The following NDUFA10 variants were observed in gnomAD, a reference collection of about 807,000 sequenced individuals.
The protein encoded by NDUFA10 is NADH dehydrogenase [ubiquinone] 1 alpha subcomplex subunit 10, mitochondrial.
NDUFA10 carries 40 observed loss-of-function variants against 47.8 expected under a neutral mutation model. That is an observed-to-expected ratio of 0.84 (90% CI 0.65 to 1.09). The LOEUF is 1.09. Ranked by LOEUF, NDUFA10 falls within the 50% of genes least tolerant of loss-of-function variation. The probability of loss-of-function intolerance (pLI) is 0.00; values close to 1 mark genes in which losing one functional copy is unlikely to be tolerated. For synonymous variants in NDUFA10, 183 were observed against 172.2 expected (o/e 1.06, Z -0.49); for missense variants, 413 against 451.1 (o/e 0.92, Z 0.76).
intron 7 of NDUFA10, among the ~76,000 whole-genome samples, chr2:240,006,702 T>C (rs1259386988): frequency 6.6e-6 from 1 of 152,258 alleles, no homozygotes; most frequent in African/African-American, 2.4e-5. Flanking sequence ...ATTTTTGTAA[T>C]TATCCTTTAA....
chr2:239,973,742 T>G (rs1695397017), intron 9 of NDUFA10: 1 of 391,138 alleles, frequency 2.6e-6, no homozygotes, highest in Non-Finnish European at 5.2e-6. Context: ...TGATACAATG[T>G]TTAAAACGTG....
In NDUFA10 at chr2:239,926,170, G is replaced by C. The variant is rs528078373; in HGVS notation, c.295-30856C>G. Among the ~76,000 whole-genome samples the C allele has an allele frequency of 5.9e-5, 9 of 152,284 alleles. No homozygotes were observed. The East Asian group carries it at 1.3e-3, about 23-fold the overall frequency. ...TTACACCAGAGGAATGAAACTTTCT[G>C]TCTACACAAAAACTTGTATATCAAT... On this transcript the variant is annotated intron_variant, in intron 4 of 5. Coordinates refer to the NDUFA10 transcript ENST00000419408.
intron 4 of NDUFA10, among the ~76,000 whole-genome samples, chr2:239,898,301 A>G (rs902812087): frequency 5.9e-5 from 9 of 152,228 alleles, no homozygotes; most frequent in African/African-American, 2.2e-4. Context: ...GTACCTAGAA[A>G]GCCAAGTCCC....
intron 4 of NDUFA10, among the ~76,000 whole-genome samples, chr2:239,902,492 A>C (rs139393653): frequency 2.1e-3 from 315 of 152,372 alleles, no homozygotes; most frequent in African/African-American, 6.7e-3. Flanking sequence ...ACTATAGTAC[A>C]GTATAAATAT....
chr2:239,979,934 C>A (rs1048919540), intron 9 of NDUFA10, among the ~76,000 whole-genome samples: 1 of 152,082 alleles, frequency 6.6e-6, no homozygotes, highest in Non-Finnish European at 1.5e-5. Flanking sequence ...AGCTCCAGAC[C>A]ATGTCCACCT....
rs1322387047 is a variant in NDUFA10, at chr2:239,987,791, G to A, written c.999+2283C>T. On this transcript the variant is annotated intron_variant, in intron 9 of 9. Coordinates refer to ENST00000252711, the MANE Select transcript of NDUFA10 (RefSeq NM_004544.4). This position sits in a 1 kb window ranked among gnomAD's most constrained non-coding sequence, Gnocchi z 4.8. ...TCCGAACAGTCGCAGATGCCTGTGG[G>A]ACTAACACGTATGGAGAATTAAGAC... Among the ~76,000 whole-genome samples, 1 of 152,206 alleles carries A rather than the reference G, an allele frequency of 6.6e-6. No individual in the cohort carries two copies. The highest frequency in any genetic ancestry group is 1.9e-4 in the East Asian group (1 of 5,192).
At chr2:239,901,623 T>G (rs987837069) in intron 4 of NDUFA10, among the ~76,000 whole-genome samples, 1 of 151,834 alleles carries the variant, frequency 6.6e-6, no homozygotes, top group Non-Finnish European at 1.5e-5. Context: ...GATCTGACTT[T>G]CAAGTTTCAT....
At chr2:239,942,620 A>AT (rs562168694) in intron 4 of NDUFA10, among the ~76,000 whole-genome samples, 12 of 149,902 alleles carry the variant, frequency 8.0e-5, no homozygotes, top group Admixed American at 2.0e-4. Context: ...GCACAGGAAT[A>AT]TTTTTTTTTT....
intron 7 of NDUFA10, among the ~76,000 whole-genome samples, chr2:240,006,611 T>C (rs573002715): frequency 1.2e-3 from 177 of 152,354 alleles, no homozygotes; most frequent in African/African-American, 4.0e-3. Flanking sequence ...ATATATAAAA[T>C]ACAAAATAAA....
In NDUFA10 at chr2:239,990,025, T is replaced by C. The variant is rs764167121; in HGVS notation, c.999+49A>G. On this transcript the variant is annotated intron_variant, in intron 9 of 9. Coordinates refer to ENST00000252711, the MANE Select transcript of NDUFA10 (RefSeq NM_004544.4). ...GAGAAGTGACTGCATTGTCCCCAGG[T>C]GCTGCAGACTCATCCACTGGCCAGC... 2.3e-6 allele frequency: 3 copies of C among 1,314,204 alleles called. No homozygotes were observed. In the East Asian group the frequency reaches 6.9e-5, roughly 30 times the overall value. The allele number at this position is 1,314,204 out of a possible 1,614,324, so 81.4% of individuals were successfully genotyped here.
chr2:239,912,199 C>A (rs527360171), intron 4 of NDUFA10, among the ~76,000 whole-genome samples: 7 of 152,290 alleles, frequency 4.6e-5, no homozygotes, highest in South Asian at 2.1e-4. Context: ...CTTTGCACCC[C>A]CCTCTGGTCC....
At chr2:240,021,459 C>A in intron 2 of NDUFA10, 47 bp from the exon 3 acceptor site, 1 of 1,556,198 alleles carries the variant, frequency 6.4e-7, no homozygotes, top group Admixed American at 1.7e-5. Context: ...ATCACTCACT[C>A]CCCGCAGGGA....
At chr2:239,936,152 G>A (rs960984181) in intron 4 of NDUFA10, among the ~76,000 whole-genome samples, 2 of 152,234 alleles carry the variant, frequency 1.3e-5, no homozygotes, top group African/African-American at 4.8e-5. Flanking sequence ...GGAAGAGAGT[G>A]AACAGTGACT....
At chr2:239,979,218 T>C (rs1238074447) in intron 9 of NDUFA10, among the ~76,000 whole-genome samples, 1 of 152,204 alleles carries the variant, frequency 6.6e-6, no homozygotes, top group African/African-American at 2.4e-5. Context: ...CAAAGTTCCT[T>C]TGTTACAAAC....
intron 4 of NDUFA10, among the ~76,000 whole-genome samples, chr2:239,922,938 C>T (rs1353909802): frequency 2.6e-5 from 4 of 152,148 alleles, no homozygotes; most frequent in Non-Finnish European, 5.9e-5. Context: ...TGCCAGGGCT[C>T]AAGAACATCA....
chr2:240,021,028 G>A (rs1697597819), intron 3 of NDUFA10, 169 bp downstream of exon 3: 1 of 673,810 alleles, frequency 1.5e-6, no homozygotes, highest in Middle Eastern at 3.9e-4. Flanking sequence ...AATTAATTCT[G>A]AAGCAAAAAT....
At chr2:239,989,081 C>G (rs1160857884) in intron 9 of NDUFA10, among the ~76,000 whole-genome samples, 1 of 152,066 alleles carries the variant, frequency 6.6e-6, no homozygotes, top group Non-Finnish European at 1.5e-5. Context: ...AAACAGCACA[C>G]ACACTCACAC....
At chr2:239,898,099 A>C (rs543338467) in intron 4 of NDUFA10, among the ~76,000 whole-genome samples, 7 of 152,292 alleles carry the variant, frequency 4.6e-5, no homozygotes, top group African/African-American at 1.4e-4. Context: ...CAGCTCACAG[A>C]TGGAGCAAGG....
At chr2:239,961,650 G>C (rs1694856083) in intron 9 of NDUFA10, among the ~76,000 whole-genome samples, 2 of 152,218 alleles carry the variant, frequency 1.3e-5, no homozygotes, top group South Asian at 4.1e-4. Context: ...GCAGAGGCCG[G>C]GCCGCTGGCT....
Sources: gnomAD v4.1 joint callset for allele counts (sites outside exome capture counted in the v4.1 genomes callset) on GRCh38, gnomAD v4.1.1 for gene constraint, Gnocchi (gnomAD v3.1) non-coding constraint, MANE v1.5 for transcripts, NCBI Gene and HGNC (gene_info 2026-07-23, HGNC 2026-07-21) for gene names.